TIMP2: variants seen among roughly 807,000 people sequenced by gnomAD.
TIMP2 encodes TIMP metallopeptidase inhibitor 2.
A neutral mutation model predicts 24.3 loss-of-function variants in TIMP2; 5 were observed. The ratio of observed to expected loss-of-function variants is 0.21; its 90% CI spans 0.11 to 0.43. The LOEUF is 0.43. Among genes scored for constraint, TIMP2 ranks in the 20% least tolerant of loss-of-function variants. TIMP2 has a pLI of 1.00. For synonymous variants in TIMP2, 130 were observed against 123.2 expected (o/e 1.06, Z -0.37); for missense variants, 221 against 297.5 (o/e 0.74, Z 1.89).
chr17:78,893,549 C>T (rs2069952000), intron 1 of TIMP2, among the ~76,000 whole-genome samples: 1 of 151,064 alleles, frequency 6.6e-6, no homozygotes, highest in African/African-American at 2.4e-5. Flanking sequence ...GTGCACATGC[C>T]TGCACATCTG....
At chr17:78,890,903 T>TA in intron 1 of TIMP2, 2 of 1,550,748 alleles carry the variant, frequency 1.3e-6, no homozygotes, top group East Asian at 2.4e-5. Context: ...CTCAGCTTTG[T>TA]AGTGGATTTC....
intron 1 of TIMP2, among the ~76,000 whole-genome samples, chr17:78,877,997 C>G (rs1240571725): frequency 2.6e-5 from 4 of 152,160 alleles, no homozygotes; most frequent in Non-Finnish European, 5.9e-5. Context: ...TGAGCTACCG[C>G]GCCCGGCCTT....
At chr17:78,871,613 G>A (rs546923048) in intron 2 of TIMP2, among the ~76,000 whole-genome samples, 29 of 152,088 alleles carry the variant, frequency 1.9e-4, no homozygotes, top group African/African-American at 5.5e-4. Flanking sequence ...TTGGGAGGCC[G>A]AGGCAGGCAG....
intron 1 of TIMP2, among the ~76,000 whole-genome samples, chr17:78,882,070 T>C (rs770921040): frequency 6.6e-6 from 1 of 152,214 alleles, no homozygotes; most frequent in Non-Finnish European, 1.5e-5. Flanking sequence ...GTTCAAGCGA[T>C]TCTCCTGCCT....
chr17:78,856,111 G>A, intron 4 of TIMP2: 1 of 552,138 alleles, frequency 1.8e-6, no homozygotes, highest in Non-Finnish European at 3.3e-6. Flanking sequence ...TTCCCTTTGG[G>A]CCATCTTCTA....
At chr17:78,875,653 G>A (rs1007735041) in intron 1 of TIMP2, among the ~76,000 whole-genome samples, 2 of 152,100 alleles carry the variant, frequency 1.3e-5, no homozygotes, top group Non-Finnish European at 1.5e-5. Context: ...GTTATGTTAC[G>A]GTGGATATGA....
chr17:78,887,976 G>C (rs2145765225), intron 1 of TIMP2, among the ~76,000 whole-genome samples: 1 of 152,246 alleles, frequency 6.6e-6, no homozygotes, highest in South Asian at 2.1e-4. Flanking sequence ...TTTGTGTGAT[G>C]TGGATGAATT....
intron 2 of TIMP2, 88 bp downstream of exon 2, chr17:78,873,731 G>T (rs1046077257): frequency 1.9e-6 from 2 of 1,045,012 alleles, no homozygotes; most frequent in Non-Finnish European, 2.9e-6. Flanking sequence ...TGGCCAGATC[G>T]TGTTCCAGGG....
At chr17:78,917,246 C>T (rs1202565069) in intron 1 of TIMP2, among the ~76,000 whole-genome samples, 16 of 78,556 alleles carry the variant, frequency 2.0e-4, no homozygotes, top group East Asian at 6.0e-4. Context: ...AGCGAGACTC[C>T]GTCTCAAAAA....
chr17:78,881,746 A>G (rs1366789420), intron 1 of TIMP2, among the ~76,000 whole-genome samples: 3 of 152,224 alleles, frequency 2.0e-5, no homozygotes, highest in Non-Finnish European at 4.4e-5. Context: ...TTGTTCTTTC[A>G]CTGGGAAAGG....
intron 1 of TIMP2, among the ~76,000 whole-genome samples, chr17:78,887,869 T>C (rs1055830154): frequency 1.3e-5 from 2 of 152,154 alleles, no homozygotes; most frequent in Non-Finnish European, 2.9e-5. Flanking sequence ...TATAGTCCTC[T>C]TTTTGGAAAC....
intron 1 of TIMP2, among the ~76,000 whole-genome samples, chr17:78,914,553 G>A (rs1048633556): frequency 8.6e-5 from 13 of 151,806 alleles, no homozygotes; most frequent in Middle Eastern, 6.8e-3. Flanking sequence ...AAAGCACTGG[G>A]ATTACAGGGA....
intron 1 of TIMP2, among the ~76,000 whole-genome samples, chr17:78,903,636 C>A (rs539599456): frequency 1.3e-5 from 2 of 152,086 alleles, no homozygotes; most frequent in African/African-American, 2.4e-5. Context: ...CCACTGGAGG[C>A]GGGGGAAGAA....
At chr17:78,878,755 G>A (rs2069752369) in intron 1 of TIMP2, among the ~76,000 whole-genome samples, 3 of 152,110 alleles carry the variant, frequency 2.0e-5, no homozygotes, top group African/African-American at 7.2e-5. Flanking sequence ...TGGGGGTGAG[G>A]GGCCTGGAGG....
chr17:78,884,648 G>C (rs374410864), intron 1 of TIMP2, among the ~76,000 whole-genome samples: 2 of 152,222 alleles, frequency 1.3e-5, no homozygotes, highest in South Asian at 4.2e-4. Flanking sequence ...GTCCTGGGGG[G>C]TGTGCATCTG....
At chr17:78,884,199 C>T (rs756328943) in intron 1 of TIMP2, among the ~76,000 whole-genome samples, 85 of 152,302 alleles carry the variant, frequency 5.6e-4, no homozygotes, top group Middle Eastern at 6.8e-3. Flanking sequence ...AACCCGCCCC[C>T]CTACAACAGA....
At chr17:78,923,398 G>GA (rs1329123602) in intron 1 of TIMP2, among the ~76,000 whole-genome samples, 2 of 59,510 alleles carry the variant, frequency 3.4e-5, no homozygotes, top group Non-Finnish European at 4.2e-5. Context: ...GGGCGGGGTG[G>GA]GGGGGGGGGC....
intron 3 of TIMP2, 100 bp from the exon 4 acceptor site, chr17:78,857,746 C>G: frequency 6.7e-7 from 1 of 1,488,016 alleles, no homozygotes; most frequent in African/African-American, 1.4e-5. Flanking sequence ...TTCGTTGCAA[C>G]AATCCTGTGC....
chr17:78,873,331 TCTCA>T (rs3837872), intron 2 of TIMP2, among the ~76,000 whole-genome samples: 106,845 of 143,230 alleles, frequency 0.75, 39,765 homozygotes, highest in Admixed American at 0.81. Flanking sequence ...TAATACAAGC[TCTCA>T]CTCTGTCACC....
Sources: allele counts gnomAD v4.1 joint callset (sites outside exome capture counted in the v4.1 genomes callset), GRCh38; gene constraint gnomAD v4.1.1; transcripts MANE v1.5; gene names NCBI Gene and HGNC (gene_info 2026-07-23, HGNC 2026-07-21).